The following FOCAD variants were observed in gnomAD, a reference collection of about 807,000 sequenced individuals.
FOCAD encodes the protein focadhesin, also known as KIAA1797.
FOCAD carries 198 observed loss-of-function variants against 225.6 expected under a neutral mutation model. That is an observed-to-expected ratio of 0.88 (90% confidence interval 0.78 to 0.99). FOCAD has a LOEUF of 0.99. FOCAD is among the 50% of genes least tolerant of loss of function. The pLI is 0.00. For synonymous variants in FOCAD, 897 were observed against 755.0 expected (o/e 1.19, Z -3.08); for missense variants, 2,713 against 2,123.6 (o/e 1.28, Z -5.46).
Position 20,935,605 on chromosome 9 carries a change from G to A in FOCAD, c.3407+2502G>A, listed in dbSNP as rs746758724. 4.8e-4 allele frequency among the ~76,000 whole-genome samples: 73 copies of A among 152,090 alleles called. 1 individual carries two copies. Among genetic ancestry groups the A allele is most frequent in the Non-Finnish European group, 9.7e-4 (66 of 68,028 alleles). ...AGTAGAGATGGGGTTTCACCAATTG[G>A]TCAGGCTGGTCTCAAACTCCTGACC... On this transcript the variant is annotated intron_variant, in intron 28 of 43. Coordinates refer to ENST00000338382, the MANE Select transcript of FOCAD (RefSeq NM_001375567.1).
intron 35 of FOCAD, among the ~76,000 whole-genome samples, chr9:20,958,371 G>GTT (rs983197818): frequency 6.8e-6 from 1 of 147,284 alleles, no homozygotes; most frequent in Non-Finnish European, 1.5e-5. Flanking sequence ...TAAGAGGTTG[G>GTT]TTTTTTTTTT....
At chr9:20,983,210 C>T (rs1357247970) in intron 39 of FOCAD, among the ~76,000 whole-genome samples, 1 of 152,074 alleles carries the variant, frequency 6.6e-6, no homozygotes, top group African/African-American at 2.4e-5. Flanking sequence ...CAGACGGAGC[C>T]CAGGAGTCTA....
chr9:20,667,115 A>C (rs183553292), intron 2 of FOCAD, among the ~76,000 whole-genome samples: 2 of 152,326 alleles, frequency 1.3e-5, no homozygotes, highest in East Asian at 3.9e-4. Context: ...ATTTAAGTCG[A>C]ATTTCGAATC....
chr9:20,903,383 G>T (rs1317043315), intron 21 of FOCAD, among the ~76,000 whole-genome samples: 1 of 151,912 alleles, frequency 6.6e-6, no homozygotes, highest in Non-Finnish European at 1.5e-5. Context: ...TCTCTTTCCT[G>T]GATTGTTGAC....
intron 1 of FOCAD, among the ~76,000 whole-genome samples, chr9:20,705,725 GAAA>G (rs924863199): frequency 6.9e-6 from 1 of 145,746 alleles, no homozygotes; most frequent in Non-Finnish European, 1.5e-5. Flanking sequence ...TATAATATTG[GAAA>G]AAAAAAAGTC....
At chr9:20,701,433 T>C (rs967903337) in intron 1 of FOCAD, among the ~76,000 whole-genome samples, 1 of 152,210 alleles carries the variant, frequency 6.6e-6, no homozygotes, top group Non-Finnish European at 1.5e-5. Flanking sequence ...TCTGTGTGTG[T>C]GTAGTGTTTA....
intron 26 of FOCAD, among the ~76,000 whole-genome samples, chr9:20,928,138 G>A (rs1021848256): frequency 2.0e-5 from 3 of 152,132 alleles, no homozygotes; most frequent in Non-Finnish European, 2.9e-5. Flanking sequence ...ATTCACCAGA[G>A]CAGGACACTG....
chr9:20,973,385 CTT>C (rs1193012099), intron 35 of FOCAD, among the ~76,000 whole-genome samples: 1 of 144,364 alleles, frequency 6.9e-6, no homozygotes, highest in Non-Finnish European at 1.5e-5. Flanking sequence ...CTTTCTGCAG[CTT>C]TTTTTTTTTT....
intron 11 of FOCAD, 31 bp downstream of exon 11, chr9:20,789,639 A>G: frequency 1.2e-6 from 2 of 1,608,186 alleles, no homozygotes; most frequent in Non-Finnish European, 1.7e-6. Flanking sequence ...AACAATAATG[A>G]GAGGAAAGCT....
chr9:20,969,288 G>T (rs540340279), intron 35 of FOCAD, among the ~76,000 whole-genome samples: 1 of 151,896 alleles, frequency 6.6e-6, no homozygotes, highest in South Asian at 2.1e-4. Flanking sequence ...AGGTCTCTCT[G>T]GTTTACACTG....
At chr9:20,928,782 C>A (rs1835189863) in intron 26 of FOCAD, among the ~76,000 whole-genome samples, 1 of 152,052 alleles carries the variant, frequency 6.6e-6, no homozygotes, top group Non-Finnish European at 1.5e-5. Context: ...GGAATTAACC[C>A]CCTGTAGGAA....
intron 10 of FOCAD, among the ~76,000 whole-genome samples, chr9:20,782,990 G>A (rs1288980182): frequency 6.6e-6 from 1 of 152,186 alleles, no homozygotes; most frequent in Non-Finnish European, 1.5e-5. Context: ...CCTAATAGGA[G>A]TACAAAATCC....
At position 20,874,781 on chromosome 9, in the gene FOCAD, C is replaced by T; in HGVS notation, c.2291C>T (p.Ser764Leu). The T allele has an allele frequency of 6.2e-7, 1 of 1,613,608 alleles. No homozygotes were observed. The highest frequency in any genetic ancestry group is 8.5e-7 in the Non-Finnish European group (1 of 1,179,702). The stretch of plus-strand genomic sequence containing the variant: ...GGCTCTTGCTATCTCAAACTGTTGT[C>T]ACTCACTCCCCCTTTGGTTTTACCA... Reference protein sequence around the residue: ...VPGSCYLKLLSLTPPLVLPAL... With the variant: ...VPGSCYLKLLLLTPPLVLPAL... Residue 764 changes from serine to leucine, a missense_variant, in exon 19 of 44, where the codon TCA becomes TTA. Ser to Leu is a moderately radical substitution (Grantham distance 145). Transcript: ENST00000338382.
At chr9:20,761,749 G>C (rs893166325) in intron 6 of FOCAD, among the ~76,000 whole-genome samples, 6 of 151,930 alleles carry the variant, frequency 3.9e-5, no homozygotes, top group African/African-American at 1.5e-4. Flanking sequence ...TCTCTCTCTA[G>C]GTCTGTTTTT....
chr9:20,741,817 C>T (rs1250543004), intron 5 of FOCAD, among the ~76,000 whole-genome samples: 1 of 151,030 alleles, frequency 6.6e-6, no homozygotes, highest in Non-Finnish European at 1.5e-5. Context: ...TCTGCATTTC[C>T]TCCTTTTTAA....
Position 20,882,030 on chromosome 9 carries a change from A to C in FOCAD, c.2477A>C (p.Gln826Pro). The change falls in exon 20 of 44, where the codon CAA (glutamine) becomes CCA (proline). Residue 826 changes from glutamine (Q) to proline (P), a missense_variant. Coordinates refer to ENST00000338382, the MANE Select transcript of FOCAD (RefSeq NM_001375567.1). ...TTGAAAATGTATGAAACAAACAAGC[A>C]ACCAGGACTGAAACCTGGCCTTGCA... ...FILKMYETNK[Q>P]PGLKPGLAGG... 2 of 1,613,740 alleles carry C rather than the reference A, an allele frequency of 1.2e-6. No homozygotes were observed. Among genetic ancestry groups the C allele is most frequent in the East Asian group, 2.2e-5 (1 of 44,856 alleles).
chr9:20,844,053 A>G (rs1355204700), intron 15 of FOCAD, among the ~76,000 whole-genome samples: 3 of 152,140 alleles, frequency 2.0e-5, no homozygotes, highest in Non-Finnish European at 2.9e-5. Context: ...AGTTAAACAT[A>G]GAGTTACTAT....
intron 11 of FOCAD, among the ~76,000 whole-genome samples, chr9:20,805,442 G>A (rs1030895515): frequency 6.6e-6 from 1 of 152,108 alleles, no homozygotes; most frequent in Non-Finnish European, 1.5e-5. Context: ...CTATTGTGCT[G>A]TATGGTTGGG....
intron 1 of FOCAD, among the ~76,000 whole-genome samples, chr9:20,713,067 C>T (rs1187030204): frequency 6.6e-6 from 1 of 152,126 alleles, no homozygotes; most frequent in Non-Finnish European, 1.5e-5. Context: ...CCATTAGCAG[C>T]CACATTGGCT....
Sources: allele counts gnomAD v4.1 joint callset (sites outside exome capture counted in the v4.1 genomes callset), GRCh38; gene constraint gnomAD v4.1.1; transcripts MANE v1.5; gene names NCBI Gene and HGNC (gene_info 2026-07-23, HGNC 2026-07-21).